Variants in SATB1 observed in about 807,000 individuals in gnomAD.
SATB1 encodes the protein SATB homeobox 1.
In SATB1, 11 loss-of-function variants were observed where a neutral mutation model predicts 86.9. That is an observed-to-expected ratio of 0.13 (90% CI 0.08 to 0.21). The LOEUF (loss-of-function observed/expected upper bound fraction) is 0.21, where lower values mean the gene tolerates loss of function less well. SATB1 is among the 10% of genes least tolerant of loss of function. SATB1 has a pLI of 1.00. For missense variants in SATB1, 551 were observed against 937.6 expected (o/e 0.59, Z 5.39); for synonymous variants, 357 against 357.2 (o/e 1.00, Z 0.01).
In SATB1 at chr3:18,351,569, T is replaced by C. The variant is rs1294665413; in HGVS notation, c.1779+423A>G. On this transcript the variant is annotated intron_variant, in intron 10 of 10. Transcript: ENST00000338745. ...CTCTTTCTGGACAGAATCCAATGTA[T>C]AAAATTGTGATTCTACAAACTTCCT... is the stretch of plus-strand genomic sequence containing the variant. 6.6e-6 allele frequency: 4 copies of C among 602,276 alleles called. No individual in the cohort carries two copies. In the Admixed American group the frequency reaches 9.4e-5, roughly 14 times the overall value. The allele number at this position is 602,276 out of a possible 1,614,324, so 37.3% of individuals were successfully genotyped here. A position where few individuals can be genotyped will look rare whatever the true frequency, so the allele number is the denominator to read the frequency against.
intron 5 of SATB1, among the ~76,000 whole-genome samples, chr3:18,408,260 C>T (rs1697647983): frequency 6.6e-6 from 1 of 151,912 alleles, no homozygotes; most frequent in African/African-American, 2.4e-5. Context: ...ACCTTCTCTG[C>T]CATGAGGAAT....
chr3:18,367,830 T>A (rs576494512), intron 9 of SATB1, among the ~76,000 whole-genome samples: 2 of 152,278 alleles, frequency 1.3e-5, no homozygotes, highest in Admixed American at 6.5e-5. Context: ...TGGGGGATAA[T>A]TTTTTATCTT....
chr3:18,365,771 G>T (rs1367906757), intron 9 of SATB1, among the ~76,000 whole-genome samples: 1 of 152,126 alleles, frequency 6.6e-6, no homozygotes, highest in Non-Finnish European at 1.5e-5. Context: ...GATGGATAAG[G>T]CTTTCGTCCT....
intron 7 of SATB1, among the ~76,000 whole-genome samples, chr3:18,392,407 G>A (rs908040524): frequency 2.0e-5 from 3 of 152,074 alleles, no homozygotes; most frequent in Non-Finnish European, 2.9e-5. Context: ...AAGGAGAAAA[G>A]CTGTAATGAT....
chr3:18,402,105 T>G (rs1015496630), intron 5 of SATB1, among the ~76,000 whole-genome samples: 1 of 152,160 alleles, frequency 6.6e-6, no homozygotes, highest in African/African-American at 2.4e-5. Context: ...ACATAATGTT[T>G]CAAAAAATTT....
chr3:18,442,142 G>A (rs1327622592), upstream of SATB1, among the ~76,000 whole-genome samples: 1 of 152,062 alleles, frequency 6.6e-6, no homozygotes, highest in Non-Finnish European at 1.5e-5. Context: ...ACTTTTGGAA[G>A]TTATTTAGGT....
intron 5 of SATB1, chr3:18,414,853 T>TAGCC: frequency 2.9e-6 from 1 of 345,892 alleles, no homozygotes; most frequent in Non-Finnish European, 5.3e-6. Flanking sequence ...ATCTAAAAAT[T>TAGCC]AGCCAGCGGA....
chr3:18,431,043 C>A (rs1559465393), intron 2 of SATB1, among the ~76,000 whole-genome samples: 1 of 152,166 alleles, frequency 6.6e-6, no homozygotes, highest in Non-Finnish European at 1.5e-5. Flanking sequence ...TTTTAGCTAC[C>A]TTTCCTTCCA....
intron 8 of SATB1, among the ~76,000 whole-genome samples, chr3:18,380,590 TAA>T (rs1696002695): frequency 6.6e-6 from 1 of 152,148 alleles, no homozygotes; most frequent in South Asian, 2.1e-4. Context: ...GGTGAAACTT[TAA>T]CAATTACAAA....
chr3:18,356,420 A>G (rs1238659847), intron 9 of SATB1, among the ~76,000 whole-genome samples: 2 of 16,066 alleles, frequency 1.2e-4, no homozygotes, highest in Non-Finnish European at 2.1e-4. Context: ...TGTAAGATTG[A>G]AAAAAAAAAA....
At chr3:18,445,331 C>T in intron 1 of SATB1, 13 of 985,062 alleles carry the variant, frequency 1.3e-5, no homozygotes, top group Non-Finnish European at 1.6e-5. Flanking sequence ...CTCCCGGGCT[C>T]CCTCCCAGCG....
At chr3:18,390,897 T>C (rs559324414) in intron 7 of SATB1, among the ~76,000 whole-genome samples, 70 of 152,250 alleles carry the variant, frequency 4.6e-4, no homozygotes, top group African/African-American at 1.6e-3. Flanking sequence ...GATAGAGAAG[T>C]GAATTGAAAA....
Position 18,368,126 on chromosome 3 carries a change from G to C in SATB1, c.1575+10044C>G, listed in dbSNP as rs915787256. On this transcript the variant is annotated intron_variant, in intron 9 of 10. Transcript: ENST00000338745. ...TCCTAAAATACAAGTGACTACAGCA[G>C]GGATGGGTTTATCTCCCTGATTAGC... 2.3e-4 allele frequency among the ~76,000 whole-genome samples: 35 copies of C among 152,210 alleles called. 1 individual carries two copies. The highest frequency in any genetic ancestry group is 2.0e-3 in the Admixed American group (31 of 15,284).
At chr3:18,380,375 G>A (rs960140212) in intron 8 of SATB1, among the ~76,000 whole-genome samples, 1 of 151,924 alleles carries the variant, frequency 6.6e-6, no homozygotes, top group Non-Finnish European at 1.5e-5. Context: ...ATTTATCTTT[G>A]AGGTGCGCTA....
chr3:18,417,332 T>C (rs895858223), intron 2 of SATB1: 10 of 568,204 alleles, frequency 1.8e-5, no homozygotes, highest in Non-Finnish European at 2.8e-5. Flanking sequence ...AAATTAACAG[T>C]GCATTTTCCA....
chr3:18,386,332 G>A lies in SATB1; in HGVS notation c.1419+67C>T. 8 of 1,197,934 alleles carry A rather than the reference G, an allele frequency of 6.7e-6. No individual in the cohort carries two copies. The highest frequency in any genetic ancestry group is 2.4e-5 in the East Asian group (1 of 42,306). 74.2% of individuals were successfully genotyped at this position (1,197,934 alleles called of 1,614,324 possible). On this transcript the variant is annotated intron_variant, in intron 8 of 10. Transcript: ENST00000338745. The surrounding 1 kb of genome is among the most constrained non-coding windows in gnomAD (Gnocchi z 4.5). ...GTATCTATCTATCTAATTTCTTATTGAGATTCTTCCTCAAGCATTAAAAAA... is the reference window on the plus strand; with the variant it reads ...GTATCTATCTATCTAATTTCTTATTAAGATTCTTCCTCAAGCATTAAAAAA...
At chr3:18,365,594 C>T (rs1187104270) in intron 9 of SATB1, among the ~76,000 whole-genome samples, 2 of 152,136 alleles carry the variant, frequency 1.3e-5, no homozygotes, top group Non-Finnish European at 2.9e-5. Flanking sequence ...GTGCCTTGTC[C>T]TCCAGTCTAA....
In SATB1 at chr3:18,349,590, G is replaced by A; in HGVS notation, c.1872C>T (p.Leu624=). ...PQQQPQTGPR[L]PPRQPTVASP... is the part of the protein sequence containing the mutation. Reference sequence around the variant, plus strand: ...AGGCCACCGTGGGTTGCCGTGGGGGGAGCCGAGGGCCTGTCTGTGGCTGCT... The same window carrying A: ...AGGCCACCGTGGGTTGCCGTGGGGGAAGCCGAGGGCCTGTCTGTGGCTGCT... The change falls in exon 11 of 11, where the codon CTC becomes CTT. Residue 624 remains leucine (L), a synonymous_variant. Transcript: ENST00000338745. This position sits in a 1 kb window ranked among gnomAD's most constrained non-coding sequence, Gnocchi z 5.5. 4 of 1,613,654 alleles carry A rather than the reference G, an allele frequency of 2.5e-6. No individual in the cohort carries two copies. The highest frequency in any genetic ancestry group is 3.4e-6 in the Non-Finnish European group (4 of 1,179,932).
At chr3:18,401,564 TA>T (rs1697268232) in intron 5 of SATB1, among the ~76,000 whole-genome samples, 1 of 152,074 alleles carries the variant, frequency 6.6e-6, no homozygotes, top group African/African-American at 2.4e-5. Context: ...CTGGTCTGTA[TA>T]AAACATCAAT....
Sources: gnomAD v4.1 joint callset for allele counts (sites outside exome capture counted in the v4.1 genomes callset) on GRCh38, gnomAD v4.1.1 for gene constraint, Gnocchi (gnomAD v3.1) non-coding constraint, MANE v1.5 for transcripts, NCBI Gene and HGNC (gene_info 2026-07-23, HGNC 2026-07-21) for gene names.